Variants in TNPO2 observed in about 807,000 individuals in gnomAD.
TNPO2 encodes transportin-2.
Under a neutral mutation model 111.1 loss-of-function variants are expected in TNPO2, and 16 were observed. The observed-to-expected ratio is 0.14, with a 90% CI of 0.10 to 0.22. The LOEUF is 0.22. Ranked by LOEUF, TNPO2 falls within the 10% of genes least tolerant of loss-of-function variation. The pLI is 1.00. For synonymous variants in TNPO2, 481 were observed against 475.8 expected (o/e 1.01, Z -0.14); for missense variants, 530 against 1,173.7 (o/e 0.45, Z 8.01).
At position 12,714,871 on chromosome 19, in the gene TNPO2, C is replaced by T. The variant is rs760217962; in HGVS notation, c.840G>A (p.Thr280=). Residue 280 remains threonine, a synonymous_variant, in exon 10 of 26, where the codon ACG becomes ACA. Coordinates refer to ENST00000425528, the MANE Select transcript of TNPO2 (RefSeq NM_001382241.1). ...CCTTGCAGATGGGCTGCTCGGCCAG[C>T]GTCAGCCAGAACTCACAGGCCTCAA... The part of the protein sequence containing the change: ...VALEACEFWL[T]LAEQPICKEV... 22 of 1,613,650 alleles carry T rather than the reference C, an allele frequency of 1.4e-5. No homozygotes were observed. The Admixed American group carries it at 2.2e-4, about 16-fold the overall frequency.
At position 12,702,004 on chromosome 19, in the gene TNPO2, C is replaced by T. The variant is rs927891310; in HGVS notation, c.2411+68G>A. 4.6e-6 allele frequency: 7 copies of T among 1,520,888 alleles called. No individual in the cohort carries two copies. Among genetic ancestry groups the T allele is most frequent in the Non-Finnish European group, 5.5e-6 (6 of 1,096,750 alleles). 94.2% of individuals were successfully genotyped at this position (1,520,888 alleles called of 1,614,324 possible). On this transcript the variant is annotated intron_variant, in intron 22 of 25. Coordinates refer to ENST00000425528, the MANE Select transcript of TNPO2 (RefSeq NM_001382241.1). The surrounding 1 kb of genome is among the most constrained non-coding windows in gnomAD (Gnocchi z 5.5). ...CAGTAGGCAGATGGGGCTGGAAATG[C>T]ACAGGCGAGGGAGGGGGTTGGGCCA...
At chr19:12,709,609 G>A (rs2025918888) in intron 13 of TNPO2, among the ~76,000 whole-genome samples, 1 of 150,834 alleles carries the variant, frequency 6.6e-6, no homozygotes, top group Non-Finnish European at 1.5e-5. Flanking sequence ...TGGGACTATA[G>A]GCACTTACCA....
Position 12,705,287 on chromosome 19 carries a change from G to C in TNPO2, c.1975C>G (p.Leu659Val). 2 of 1,604,130 alleles carry C rather than the reference G, an allele frequency of 1.2e-6. No homozygotes were observed. The highest frequency in any genetic ancestry group is 8.5e-7 in the Non-Finnish European group (1 of 1,175,556). The change falls in exon 18 of 26, where the codon CTG (leucine) becomes GTG (valine). Residue 659 changes from leucine (L) to valine (V), a missense_variant. Leu to Val is a conservative substitution (Grantham distance 32, BLOSUM62 1). Transcript: ENST00000425528. The surrounding 1 kb of genome is among the most constrained non-coding windows in gnomAD (Gnocchi z 7.2). ...AEGLGGHVEQ[L>V]VARSNIMTLL... ...GTCATGATGTTGCTGCGGGCCACCAGCTGCTCCACGTGACCACCCAGGCCC... is the reference window on the plus strand; with the variant it reads ...GTCATGATGTTGCTGCGGGCCACCACCTGCTCCACGTGACCACCCAGGCCC...
rs141687742 is a variant in TNPO2, at chr19:12,699,464, T to TAAAAA, written c.*1795_*1799dup. The TAAAAA allele has an allele frequency of 0.018, 2,138 of 118,880 alleles. 56 individuals carry two copies. Among genetic ancestry groups the TAAAAA allele is most frequent in the African/African-American group, 0.096 (2,033 of 21,194 alleles). 7.4% of individuals were successfully genotyped at this position (118,880 alleles called of 1,614,324 possible). A position where few individuals can be genotyped will look rare whatever the true frequency, so the allele number is the denominator to read the frequency against. ...ATTAAAAAATTAAATAGTTTTTTTT[T>TAAAAA]AAAAAAAAAAAAAAAAAGGAAAACG... is the stretch of plus-strand genomic sequence containing the variant. On this transcript the variant is annotated 3_prime_UTR_variant, in exon 26 of 26. Coordinates refer to ENST00000425528, the MANE Select transcript of TNPO2 (RefSeq NM_001382241.1).
intron 2 of TNPO2, chr19:12,722,122 C>A (rs965303240): frequency 6.8e-6 from 1 of 148,038 alleles, no homozygotes; most frequent in Middle Eastern, 3.5e-3. Context: ...CGAAACAGGC[C>A]CCTACACACA....
rs1599405200 is a variant in TNPO2 at position 12,702,551 on chromosome 19, A to G, written c.2305+272T>C. 4 of 519,012 alleles carry G rather than the reference A, an allele frequency of 7.7e-6. No homozygotes were observed. The highest frequency in any genetic ancestry group is 2.0e-5 in the South Asian group (1 of 48,924). The allele number at this position is 519,012 out of a possible 1,614,324, so 32.2% of individuals were successfully genotyped here. On this transcript the variant is annotated intron_variant, in intron 21 of 25. Transcript: ENST00000425528. The surrounding 1 kb of genome is among the most constrained non-coding windows in gnomAD (Gnocchi z 5.5). The stretch of plus-strand genomic sequence containing the variant: ...CCGGCTAATTTTTGTATTTTTTAGT[A>G]GAGATGGGGTTTCACCATGTTGGCC...
Position 12,715,811 on chromosome 19 carries a change from C to T in TNPO2, c.326-72G>A, listed in dbSNP as rs999223771. On this transcript the variant is annotated intron_variant, in intron 5 of 25. Coordinates refer to ENST00000425528, the MANE Select transcript of TNPO2 (RefSeq NM_001382241.1). The surrounding 1 kb of genome is among the most constrained non-coding windows in gnomAD (Gnocchi z 7.1). ...CCTAGCACCTCCCCCTCCCACTGGA[C>T]ACCCCCAGTGCTGCCTTTCTGTTCC... 16 of 1,215,970 alleles carry T rather than the reference C, an allele frequency of 1.3e-5. No homozygotes were observed. The highest frequency in any genetic ancestry group is 1.8e-5 in the Non-Finnish European group (15 of 852,346). 75.3% of individuals were successfully genotyped at this position (1,215,970 alleles called of 1,614,324 possible).
chr19:12,704,811 T>G (rs935814377), intron 18 of TNPO2, among the ~76,000 whole-genome samples: 2 of 151,986 alleles, frequency 1.3e-5, no homozygotes, highest in Admixed American at 1.3e-4. Flanking sequence ...GCCTTCCAAG[T>G]AGCTGGGATT....
In TNPO2 at chr19:12,721,553, C is replaced by CTGAT; in HGVS notation, c.-13-567_-13-564dup. The CTGAT allele has an allele frequency of 2.9e-6, 1 of 340,460 alleles. No homozygotes were observed. Among genetic ancestry groups the CTGAT allele is most frequent in the South Asian group, 2.2e-5 (1 of 45,412 alleles). 21.1% of individuals were successfully genotyped at this position (340,460 alleles called of 1,614,324 possible). ...GATGCGCCCTCCCAAGACGATCGTCCTGATCTCTCCTGTCCCCTGTTCCTG... is the reference window on the plus strand; with the variant it reads ...GATGCGCCCTCCCAAGACGATCGTCCTGATTGATCTCTCCTGTCCCCTGTTCCTG... On this transcript the variant is annotated intron_variant, in intron 2 of 25. Coordinates refer to ENST00000425528, the MANE Select transcript of TNPO2 (RefSeq NM_001382241.1). This position sits in a 1 kb window ranked among gnomAD's most constrained non-coding sequence, Gnocchi z 4.9.
Position 12,706,868 on chromosome 19 carries a change from C to T in TNPO2, c.1271-73G>A. 1.6e-6 allele frequency: 2 copies of T among 1,241,772 alleles called. No individual in the cohort carries two copies. The highest frequency in any genetic ancestry group is 2.3e-6 in the Non-Finnish European group (2 of 871,850). The allele number at this position is 1,241,772 out of a possible 1,614,324, so 76.9% of individuals were successfully genotyped here. ...ACACCCACCGTATGGAGAGAAGAGTCAGCCGCACACAACATATAGGGAAAC... is the reference window on the plus strand; with the variant it reads ...ACACCCACCGTATGGAGAGAAGAGTTAGCCGCACACAACATATAGGGAAAC... On this transcript the variant is annotated intron_variant, in intron 13 of 25. Coordinates refer to ENST00000425528, the MANE Select transcript of TNPO2 (RefSeq NM_001382241.1). This position sits in a 1 kb window ranked among gnomAD's most constrained non-coding sequence, Gnocchi z 7.0.
Position 12,702,735 on chromosome 19 carries a change from A to C in TNPO2, c.2305+88T>G, listed in dbSNP as rs2025397187. 2 of 1,228,664 alleles carry C rather than the reference A, an allele frequency of 1.6e-6. No individual in the cohort carries two copies. The highest frequency in any genetic ancestry group is 2.4e-6 in the Non-Finnish European group (2 of 842,876). 76.1% of individuals were successfully genotyped at this position (1,228,664 alleles called of 1,614,324 possible). ...CAGACACCCTCCTTGGTTCCTTGACAAGGCTCTTTCTGATGCCCTTCCCAG... is the reference window on the plus strand; with the variant it reads ...CAGACACCCTCCTTGGTTCCTTGACCAGGCTCTTTCTGATGCCCTTCCCAG... On this transcript the variant is annotated intron_variant, in intron 21 of 25. Coordinates refer to ENST00000425528, the MANE Select transcript of TNPO2 (RefSeq NM_001382241.1). This position sits in a 1 kb window ranked among gnomAD's most constrained non-coding sequence, Gnocchi z 5.5.
chr19:12,701,553 C>T lies in TNPO2; in HGVS notation c.2586+45G>A, dbSNP rs779753981. 26 of 1,609,358 alleles carry T rather than the reference C, an allele frequency of 1.6e-5. No homozygotes were observed. On this transcript the variant is annotated intron_variant, in intron 24 of 25. Coordinates refer to ENST00000425528, the MANE Select transcript of TNPO2 (RefSeq NM_001382241.1). This position sits in a 1 kb window ranked among gnomAD's most constrained non-coding sequence, Gnocchi z 5.0. The stretch of plus-strand genomic sequence containing the variant: ...CCCATTGTTACCAGATGGTCTCACC[C>T]CTGCCTGCTCCCGGAACTAGATCAG...
rs2026664062 is a variant in TNPO2 at position 12,721,084 on chromosome 19, C to A, written c.-13-94G>T. ...TGAGGCCGCGGTGGCCGCATGACGA[C>A]GGGAACGCCCTCGGCGGACAGGCGG... On this transcript the variant is annotated intron_variant, in intron 2 of 25. Coordinates refer to ENST00000425528, the MANE Select transcript of TNPO2 (RefSeq NM_001382241.1). This position sits in a 1 kb window ranked among gnomAD's most constrained non-coding sequence, Gnocchi z 4.9. The A allele has an allele frequency of 2.0e-6, 3 of 1,529,782 alleles. No homozygotes were observed. The highest frequency in any genetic ancestry group is 2.6e-6 in the Non-Finnish European group (3 of 1,144,176). 94.8% of individuals were successfully genotyped at this position (1,529,782 alleles called of 1,614,324 possible). A position where few individuals can be genotyped will look rare whatever the true frequency, so the allele number is the denominator to read the frequency against.
intron 18 of TNPO2, 30 bp from the exon 19 acceptor site, chr19:12,703,831 A>G (rs1268641249): frequency 1.1e-5 from 17 of 1,545,842 alleles, no homozygotes; most frequent in Non-Finnish European, 1.5e-5. Context: ...CAGTGTGGCT[A>G]GGCTCCCCTC....
At position 12,706,644 on chromosome 19, in the gene TNPO2, G is replaced by T; in HGVS notation, c.1422C>A (p.His474Gln). 1.9e-6 allele frequency: 3 copies of T among 1,614,022 alleles called. No homozygotes were observed. The highest frequency in any genetic ancestry group is 1.7e-6 in the Non-Finnish European group (2 of 1,179,898). Residue 474 changes from histidine (H) to glutamine (Q), a missense_variant, in exon 14 of 26, where the codon CAC becomes CAA. Around this residue, in one of 4 missense-constraint regions of TNPO2, gnomAD observed 183 missense variants for 481.0 expected, o/e 0.38. Transcript: ENST00000425528. The surrounding 1 kb of genome is among the most constrained non-coding windows in gnomAD (Gnocchi z 7.0). ...HWVVSQPPDM[H>Q]LKPLMTELLK... ...GCAGCTCTGTCATCAGGGGCTTGAG[G>T]TGCATGTCGGGTGGCTGGCTGACCA...
chr19:12,706,117 G>T lies in TNPO2; in HGVS notation c.1668+79C>A. 1 of 1,512,488 alleles carries T rather than the reference G, an allele frequency of 6.6e-7. No individual in the cohort carries two copies. The highest frequency in any genetic ancestry group is 2.3e-5 in the East Asian group (1 of 43,222). 93.7% of individuals were successfully genotyped at this position (1,512,488 alleles called of 1,614,324 possible). A position where few individuals can be genotyped will look rare whatever the true frequency, so the allele number is the denominator to read the frequency against. On this transcript the variant is annotated intron_variant, in intron 15 of 25. Transcript: ENST00000425528. The surrounding 1 kb of genome is among the most constrained non-coding windows in gnomAD (Gnocchi z 7.0). ...GAGGTCACGGCCACGTCCCTGGCGT[G>T]CAACACGGGGTTGCCACCAGGTCAC...
intron 18 of TNPO2, among the ~76,000 whole-genome samples, chr19:12,704,773 C>T (rs2025538573): frequency 6.6e-6 from 1 of 151,908 alleles, no homozygotes; most frequent in Non-Finnish European, 1.5e-5. Context: ...ACCTCTGCCT[C>T]CTGGGTTCAA....
At position 12,719,106 on chromosome 19, in the gene TNPO2, G is replaced by T. The variant is rs765136752; in HGVS notation, c.248C>A (p.Pro83His). ...NVKAHYQSFP[P>H]PVADFIKQEC... ...CTGTTTGATGAAGTCTGCCACAGGG[G>T]GTGGGAAGCTCTGATAGTGTGCCTT... Residue 83 changes from proline to histidine, a missense_variant, in exon 5 of 26, where the codon CCC (proline) becomes CAC (histidine). Physicochemically the swap from Pro to His is moderately conservative, Grantham distance 77. Around this residue, in one of 4 missense-constraint regions of TNPO2, gnomAD observed 156 missense variants for 405.8 expected, o/e 0.38. Coordinates refer to ENST00000425528, the MANE Select transcript of TNPO2 (RefSeq NM_001382241.1). This position sits in a 1 kb window ranked among gnomAD's most constrained non-coding sequence, Gnocchi z 5.0. The T allele has an allele frequency of 6.2e-7, 1 of 1,614,018 alleles. No homozygotes were observed. Among genetic ancestry groups the T allele is most frequent in the Non-Finnish European group, 8.5e-7 (1 of 1,179,898 alleles).
rs751591257 is a variant in TNPO2 at position 12,715,518 on chromosome 19, C to T, written c.453G>A (p.Gln151=). Residue 151 remains glutamine, a synonymous_variant, in exon 7 of 26, where the codon CAG becomes CAA. Transcript: ENST00000425528. This position sits in a 1 kb window ranked among gnomAD's most constrained non-coding sequence, Gnocchi z 7.1. ...GCTCTGATGAGTCTTCACAGATCTT[C>T]TGCAGGGCTCCAAAGGCTCCCTGAG... The part of the protein sequence containing the change: ...NTCEGAFGAL[Q]KICEDSSELL... 13 of 1,613,840 alleles carry T rather than the reference C, an allele frequency of 8.1e-6. No individual in the cohort carries two copies. Among genetic ancestry groups the T allele is most frequent in the Non-Finnish European group, 1.0e-5 (12 of 1,179,884 alleles).
Sources: allele counts gnomAD v4.1 joint callset (sites outside exome capture counted in the v4.1 genomes callset), GRCh38; gene constraint gnomAD v4.1.1; regional missense constraint gnomAD v4.1.1; non-coding constraint Gnocchi (gnomAD v3.1); transcripts MANE v1.5; gene names NCBI Gene and HGNC (gene_info 2026-07-23, HGNC 2026-07-21).